URB1: variants seen among roughly 807,000 people sequenced by gnomAD.
URB1 encodes nucleolar pre-ribosomal-associated protein 1.
Under a neutral mutation model 242.3 loss-of-function variants are expected in URB1, and 197 were observed. The ratio of observed to expected loss-of-function variants is 0.81; its 90% CI spans 0.72 to 0.91. The LOEUF (loss-of-function observed/expected upper bound fraction) is 0.91, where lower values mean the gene tolerates loss of function less well. Among genes scored for constraint, URB1 ranks in the 40% least tolerant of loss-of-function variants. The pLI, the probability that URB1 is intolerant of heterozygous loss-of-function variation, is 0.00. For missense variants in URB1, 2,721 were observed against 2,860.5 expected (o/e 0.95, Z 1.11); for synonymous variants, 1,153 against 1,201.8 (o/e 0.96, Z 0.84).
chr21:32,331,022 T>A (rs1247629590), intron 30 of URB1, among the ~76,000 whole-genome samples: 1 of 152,118 alleles, frequency 6.6e-6, no homozygotes, highest in Non-Finnish European at 1.5e-5. Flanking sequence ...AGTAGGAGCA[T>A]TTGTTGAGAA....
intron 4 of URB1, among the ~76,000 whole-genome samples, chr21:32,380,965 G>A (rs2033516710): frequency 6.6e-6 from 1 of 152,168 alleles, no homozygotes. Flanking sequence ...AAATGAAAAG[G>A]GATTTAGTTA....
intron 4 of URB1, among the ~76,000 whole-genome samples, chr21:32,382,981 C>A (rs2033542909): frequency 6.6e-6 from 1 of 152,236 alleles, no homozygotes; most frequent in Admixed American, 6.5e-5. Context: ...TATTAAAAAG[C>A]CATAAAAGTC....
Position 32,361,102 on chromosome 21 carries a change from A to C in URB1, c.1661T>G (p.Leu554Trp), listed in dbSNP as rs1211605723. 6.5e-7 allele frequency: 1 copy of C among 1,547,692 alleles called. No individual in the cohort carries two copies. Among genetic ancestry groups the C allele is most frequent in the Admixed American group, 2.0e-5 (1 of 50,136 alleles). Reference protein sequence around the residue: ...HQCDDAETILLKAVLLQVICL... With the variant: ...HQCDDAETILWKAVLLQVICL... ...TATGACCTGGAGCAAAACAGCTTTC[A>C]AAAGAATGGTTTCTGCATCATCTGC... Residue 554 changes from leucine (L) to tryptophan (W), a missense_variant, in exon 13 of 39, where the codon TTG becomes TGG. Leu to Trp is a moderately conservative substitution (Grantham distance 61, BLOSUM62 -2). Transcript: ENST00000382751.
In URB1 at chr21:32,377,266, C is replaced by T. The variant is rs761211485; in HGVS notation, c.664+1179G>A. On this transcript the variant is annotated intron_variant, in intron 5 of 38. Coordinates refer to ENST00000382751, the MANE Select transcript of URB1 (RefSeq NM_014825.3). ...GGTTCAGGGCTACAGTTTGCTCTGG[C>T]ATGGGGTACTATGAGAGGTCCAGGG... 5 of 517,304 alleles carry T rather than the reference C, an allele frequency of 9.7e-6. No homozygotes were observed. The East Asian group carries it at 2.7e-4, about 28-fold the overall frequency. 32.0% of individuals were successfully genotyped at this position (517,304 alleles called of 1,614,324 possible). A position where few individuals can be genotyped will look rare whatever the true frequency, so the allele number is the denominator to read the frequency against.
intron 8 of URB1, 97 bp downstream of exon 8, chr21:32,372,410 T>C: frequency 7.1e-7 from 1 of 1,417,060 alleles, no homozygotes; most frequent in Non-Finnish European, 9.3e-7. Flanking sequence ...TCCACAATTC[T>C]AGTTCTAACC....
chr21:32,314,923 C>A lies in URB1; in HGVS notation c.6811G>T (p.Ala2271Ser), dbSNP rs1327298712. ...CKDAASAASD[A>S] ...AAGGTGCTGGCCGGCAGGAGTCAAG[C>A]ATCTGAGGCTGCGCTGGCGGCGTCC... Residue 2271 changes from alanine (A) to serine (S), a missense_variant, in exon 39 of 39, where the codon GCT (alanine) becomes TCT (serine). Transcript: ENST00000382751. The A allele has an allele frequency of 2.6e-6, 4 of 1,549,818 alleles. No individual in the cohort carries two copies. The South Asian group carries it at 3.6e-5, about 14-fold the overall frequency.
intron 28 of URB1, among the ~76,000 whole-genome samples, chr21:32,336,136 C>G (rs973539393): frequency 6.6e-6 from 1 of 152,014 alleles, no homozygotes; most frequent in African/African-American, 2.4e-5. Context: ...GCGAGGCTGC[C>G]GCAGGAGAAA....
At position 32,351,336 on chromosome 21, in the gene URB1, G is replaced by A. The variant is rs182624892; in HGVS notation, c.2614-414C>T. ...AGACCTTCCCCAGGAGCTGCGGGTCGAATATCTTGTTAGAAGGACAGAAGA... is the reference window on the plus strand; with the variant it reads ...AGACCTTCCCCAGGAGCTGCGGGTCAAATATCTTGTTAGAAGGACAGAAGA... On this transcript the variant is annotated intron_variant, in intron 19 of 38. Transcript: ENST00000382751. Among the ~76,000 whole-genome samples, 48 of 152,284 alleles carry A rather than the reference G, an allele frequency of 3.2e-4. 1 individual carries two copies. In the Middle Eastern group the frequency reaches 0.024, roughly 76 times the overall value.
chr21:32,387,288 A>G (rs1363444883), intron 1 of URB1, among the ~76,000 whole-genome samples: 2 of 152,212 alleles, frequency 1.3e-5, no homozygotes, highest in East Asian at 3.8e-4. Context: ...CCTGTTCTAT[A>G]AAACTGCCTT....
chr21:32,329,250 A>C (rs2032866009), intron 30 of URB1, among the ~76,000 whole-genome samples: 1 of 152,160 alleles, frequency 6.6e-6, no homozygotes, highest in South Asian at 2.1e-4. Context: ...TAGGTGACAG[A>C]GTGAGACCCT....
chr21:32,387,349 G>A (rs1051870438), intron 1 of URB1, among the ~76,000 whole-genome samples: 1 of 152,156 alleles, frequency 6.6e-6, no homozygotes, highest in Non-Finnish European at 1.5e-5. Context: ...AATCCGGGAG[G>A]TGGAAGTTGC....
chr21:32,339,042 T>C, intron 25 of URB1, 142 bp from the exon 26 acceptor site: 2 of 902,542 alleles, frequency 2.2e-6, no homozygotes, highest in Admixed American at 3.1e-5. Flanking sequence ...TTGCCCAGGC[T>C]GGAGTACAGT....
At chr21:32,345,775 C>T (rs1295020005) in intron 22 of URB1, among the ~76,000 whole-genome samples, 200 bp from the exon 23 acceptor site, 4 of 152,178 alleles carry the variant, frequency 2.6e-5, no homozygotes, top group Non-Finnish European at 5.9e-5. Flanking sequence ...GGGTCCTCCC[C>T]TATCTCATCA....
At chr21:32,380,266 A>G (rs1179909961) in intron 4 of URB1, among the ~76,000 whole-genome samples, 3 of 152,170 alleles carry the variant, frequency 2.0e-5, no homozygotes, top group Non-Finnish European at 4.4e-5. Context: ...ATGCTCCCTA[A>G]TATGTGGATC....
intron 36 of URB1, 45 bp downstream of exon 36, chr21:32,319,172 C>T: frequency 6.6e-7 from 1 of 1,517,732 alleles, no homozygotes; most frequent in Non-Finnish European, 8.8e-7. Flanking sequence ...ACCAACACAG[C>T]ATCCAAGAGG....
In URB1 at chr21:32,373,703, T is replaced by C. The variant is rs1387656382; in HGVS notation, c.820A>G (p.Ile274Val). Residue 274 changes from isoleucine to valine, a missense_variant, in exon 7 of 39, where the codon ATA (isoleucine) becomes GTA (valine). Ile to Val is a conservative substitution (Grantham distance 29). Transcript: ENST00000382751. ...RFFTGQLLNH[I>V]ASLYNWNGIT... ...CCATTCCAGTTGTACAGCGATGCTA[T>C]GTGGTTCAATAACTGCCCCGTAAAG... The C allele has an allele frequency of 3.2e-6, 5 of 1,549,678 alleles. No homozygotes were observed. Among genetic ancestry groups the C allele is most frequent in the South Asian group, 2.4e-5 (2 of 83,572 alleles).
rs115032984 is a variant in URB1, at chr21:32,359,060, C to T, written c.1869+736G>A. Among the ~76,000 whole-genome samples the T allele has an allele frequency of 1.4e-3, 214 of 152,330 alleles. 2 individuals carry two copies. The highest frequency in any genetic ancestry group is 4.9e-3 in the African/African-American group (205 of 41,578). Reference sequence around the variant, plus strand: ...AGGGAGAGACACATAGTCCCAGAGGCACAGCATTCTTAAGTCTTCCTGGAA... The same window carrying T: ...AGGGAGAGACACATAGTCCCAGAGGTACAGCATTCTTAAGTCTTCCTGGAA... On this transcript the variant is annotated intron_variant, in intron 14 of 38. Transcript: ENST00000382751.
At position 32,321,663 on chromosome 21, in the gene URB1, T is replaced by C. The variant is rs543978096; in HGVS notation, c.5484+138A>G. ...AGGACAGGCGCTCTCAACATCTCAC[T>C]TCCCCTAACTGAGAGCCAGGGTTAG... On this transcript the variant is annotated intron_variant, in intron 34 of 38. Coordinates refer to ENST00000382751, the MANE Select transcript of URB1 (RefSeq NM_014825.3). 7 of 1,301,930 alleles carry C rather than the reference T, an allele frequency of 5.4e-6. No individual in the cohort carries two copies. The East Asian group carries it at 7.6e-5, about 14-fold the overall frequency. The allele number at this position is 1,301,930 out of a possible 1,614,324, so 80.6% of individuals were successfully genotyped here.
intron 19 of URB1, among the ~76,000 whole-genome samples, chr21:32,351,588 A>G (rs1409083202): frequency 6.6e-6 from 1 of 152,114 alleles, no homozygotes; most frequent in Non-Finnish European, 1.5e-5. Context: ...TGAAATGCAA[A>G]TTCTCAGGCT....
Sources: allele counts gnomAD v4.1 joint callset (sites outside exome capture counted in the v4.1 genomes callset), GRCh38; gene constraint gnomAD v4.1.1; transcripts MANE v1.5; gene names NCBI Gene and HGNC (gene_info 2026-07-23, HGNC 2026-07-21).